The following KLHL3 variants were observed in gnomAD, a reference collection of about 807,000 sequenced individuals.
KLHL3 encodes kelch like family member 3, also known as kelch-like protein 3.
KLHL3 carries 19 observed loss-of-function variants against 70.5 expected under a neutral mutation model. That is an observed-to-expected ratio of 0.27 (90% confidence interval 0.19 to 0.40). The LOEUF is 0.40. Ranked by LOEUF, KLHL3 falls within the 10% of genes least tolerant of loss-of-function variation. The probability of loss-of-function intolerance (pLI) is 1.00; values close to 1 mark genes in which losing one functional copy is unlikely to be tolerated. For missense variants in KLHL3, 512 were observed against 771.1 expected, an observed-to-expected ratio of 0.66 and a Z score of 3.98; for synonymous variants, 258 against 290.3, an observed-to-expected ratio of 0.89 and a Z score of 1.13.
At chr5:137,693,930 T>G (rs988853841) in intron 4 of KLHL3, among the ~76,000 whole-genome samples, 3 of 152,078 alleles carry the variant, frequency 2.0e-5, no homozygotes, top group African/African-American at 7.2e-5. Flanking sequence ...TCCTCAGCTC[T>G]GACTCTCATC....
chr5:137,708,015 T>C (rs962673805), intron 3 of KLHL3, among the ~76,000 whole-genome samples: 2 of 151,900 alleles, frequency 1.3e-5, no homozygotes, highest in African/African-American at 4.8e-5. Context: ...TATTTTAAAA[T>C]AGAGATTGAT....
intron 3 of KLHL3, 91 bp from the exon 4 acceptor site, chr5:137,698,499 T>C (rs1752497773): frequency 6.8e-6 from 10 of 1,468,376 alleles, no homozygotes; most frequent in South Asian, 2.4e-5. Context: ...CTTGGAAACA[T>C]AAAAGCACTT....
rs565855114 is a variant in KLHL3 at position 137,652,919 on chromosome 5, G to A, written c.903+5212C>T. On this transcript the variant is annotated intron_variant, in intron 8 of 14. Coordinates refer to ENST00000309755, the MANE Select transcript of KLHL3 (RefSeq NM_017415.3). ...TATTTCAAAACCTCATGTTGTACAT[G>A]ATAAATGCATATAACTTTTGTCAAT... 4.7e-4 allele frequency among the ~76,000 whole-genome samples: 72 copies of A among 152,182 alleles called. 4 individuals are homozygous for A. The South Asian group carries it at 0.014, about 30-fold the overall frequency.
intron 3 of KLHL3, 26 bp from the exon 4 acceptor site, chr5:137,698,434 G>T (rs371987798): frequency 4.3e-6 from 7 of 1,613,450 alleles, no homozygotes; most frequent in Non-Finnish European, 5.9e-6. Flanking sequence ...AAAACAAAAT[G>T]ACATAAATGT....
In KLHL3 at chr5:137,653,232, A is replaced by G. The variant is rs1580734600; in HGVS notation, c.903+4899T>C. ...GCCACTGCACTCCGGCCTGGGCAAC[A>G]GAGTAAGACTCCGTCTCAAAAAAAA... On this transcript the variant is annotated intron_variant, in intron 8 of 14. Transcript: ENST00000309755. Among the ~76,000 whole-genome samples the G allele has an allele frequency of 4.6e-5, 7 of 152,270 alleles. 1 individual carries two copies. The highest frequency in any genetic ancestry group is 4.6e-4 in the Admixed American group (7 of 15,302).
Position 137,628,436 on chromosome 5 carries a change from C to A in KLHL3, c.1452G>T (p.Gly484=). The change falls in exon 13 of 15, where the codon GGG becomes GGT. Residue 484 remains glycine (G), a splice_region_variant and synonymous_variant. Coordinates refer to ENST00000309755, the MANE Select transcript of KLHL3 (RefSeq NM_017415.3). ...ACAGCTGTCCGCTAAGCACTCCAACCCCTGAAAGGCAGAGCACAGCATCCC... is the reference window on the plus strand; with the variant it reads ...ACAGCTGTCCGCTAAGCACTCCAACACCTGAAAGGCAGAGCACAGCATCCC... ...ADMSTRRSGA[G]VGVLSGQLYA... 6.2e-7 allele frequency: 1 copy of A among 1,614,130 alleles called. No homozygotes were observed. The highest frequency in any genetic ancestry group is 8.5e-7 in the Non-Finnish European group (1 of 1,180,006).
At chr5:137,674,049 A>G (rs1413068956) in intron 6 of KLHL3, among the ~76,000 whole-genome samples, 1 of 152,122 alleles carries the variant, frequency 6.6e-6, no homozygotes, top group East Asian at 1.9e-4. Context: ...AGTAGTAATA[A>G]CCATAATAAT....
chr5:137,695,548 C>T (rs1208354849), intron 4 of KLHL3, among the ~76,000 whole-genome samples: 1 of 152,182 alleles, frequency 6.6e-6, no homozygotes, highest in Non-Finnish European at 1.5e-5. Context: ...ACTGCTCAGA[C>T]TCTGGGTCTC....
intron 5 of KLHL3, among the ~76,000 whole-genome samples, chr5:137,688,794 C>T (rs979110192): frequency 5.3e-5 from 8 of 152,160 alleles, no homozygotes; most frequent in African/African-American, 1.9e-4. Context: ...GGGATGTTGC[C>T]AATAAAATGC....
intron 1 of KLHL3, among the ~76,000 whole-genome samples, chr5:137,726,727 G>A (rs1283126275): frequency 6.6e-6 from 1 of 152,050 alleles, no homozygotes; most frequent in African/African-American, 2.4e-5. Flanking sequence ...AGCCTGCCCA[G>A]CATGAGGTCA....
chr5:137,698,518 C>T (rs561370413), intron 3 of KLHL3, 110 bp from the exon 4 acceptor site: 1 of 1,280,796 alleles, frequency 7.8e-7, no homozygotes, highest in African/African-American at 1.5e-5. Flanking sequence ...TTCCTGGGCT[C>T]CAGGAGGCAG....
chr5:137,693,695 A>G (rs112397125), intron 4 of KLHL3, among the ~76,000 whole-genome samples: 2 of 152,146 alleles, frequency 1.3e-5, no homozygotes, highest in Non-Finnish European at 2.9e-5. Flanking sequence ...CTTCACCCCA[A>G]AATAATCCCC....
intron 8 of KLHL3, among the ~76,000 whole-genome samples, chr5:137,645,581 TA>T (rs1751023035): frequency 6.6e-6 from 1 of 151,288 alleles, no homozygotes; most frequent in East Asian, 1.9e-4. Context: ...ATAAAATAAC[TA>T]GGAATAAATT....
intron 6 of KLHL3, among the ~76,000 whole-genome samples, chr5:137,670,780 C>T (rs1751734819): frequency 6.6e-6 from 1 of 150,824 alleles, no homozygotes; most frequent in Non-Finnish European, 1.5e-5. Context: ...CTAGCCTGAC[C>T]AATATGATGA....
intron 8 of KLHL3, among the ~76,000 whole-genome samples, chr5:137,648,503 G>C (rs1040880380): frequency 2.6e-5 from 4 of 152,198 alleles, no homozygotes; most frequent in Non-Finnish European, 5.9e-5. Context: ...GCCATCTGTG[G>C]AACAGGGTAA....
intron 5 of KLHL3, among the ~76,000 whole-genome samples, chr5:137,681,373 A>G (rs187296634): frequency 1.3e-5 from 2 of 152,320 alleles, no homozygotes; most frequent in African/African-American, 4.8e-5. Context: ...AAGACAAGGC[A>G]TCAATAACTC....
chr5:137,643,586 TTTTTG>T, intron 8 of KLHL3, among the ~76,000 whole-genome samples: 1 of 152,232 alleles, frequency 6.6e-6, no homozygotes, highest in Non-Finnish European at 1.5e-5. Context: ...AAACTCAATT[TTTTTG>T]TTTTATTTTT....
At chr5:137,729,823 A>G (rs940535916) in intron 1 of KLHL3, among the ~76,000 whole-genome samples, 1 of 152,134 alleles carries the variant, frequency 6.6e-6, no homozygotes, top group African/African-American at 2.4e-5. Context: ...ATTAATGAAG[A>G]ACCTGACTCT....
At chr5:137,674,868 C>A (rs1207702140) in intron 6 of KLHL3, among the ~76,000 whole-genome samples, 1 of 152,150 alleles carries the variant, frequency 6.6e-6, no homozygotes, top group East Asian at 1.9e-4. Context: ...CTGGAGCAGA[C>A]ACAGAATTTT....
Sources: allele counts gnomAD v4.1 joint callset (sites outside exome capture counted in the v4.1 genomes callset), GRCh38; gene constraint gnomAD v4.1.1; transcripts MANE v1.5; gene names NCBI Gene and HGNC (gene_info 2026-07-23, HGNC 2026-07-21).